DTWD2: variants seen among roughly 807,000 people sequenced by gnomAD.
DTWD2 encodes DTW motif tRNA-uridine aminocarboxypropyltransferase 2.
A neutral mutation model predicts 31.8 loss-of-function variants in DTWD2; 39 were observed. That is an observed-to-expected ratio of 1.22 (90% CI 0.95 to 1.60). The LOEUF (loss-of-function observed/expected upper bound fraction) is 1.60, where lower values mean the gene tolerates loss of function less well. DTWD2 is among the 40% of genes most tolerant of loss of function. The pLI, the probability that DTWD2 is intolerant of heterozygous loss-of-function variation, is 0.00. For missense variants in DTWD2, 515 were observed against 381.5 expected, an observed-to-expected ratio of 1.35 and a Z score of -2.92; for synonymous variants, 180 against 142.8, an observed-to-expected ratio of 1.26 and a Z score of -1.86.
Position 118,840,360 on chromosome 5 carries a change from G to A in DTWD2, c.*557C>T, listed in dbSNP as rs1386396340. 6.6e-6 allele frequency: 1 copy of A among 152,174 alleles called. No individual in the cohort carries two copies. The highest frequency in any genetic ancestry group is 6.5e-5 in the Admixed American group (1 of 15,282). 9.4% of individuals were successfully genotyped at this position (152,174 alleles called of 1,614,324 possible). On this transcript the variant is annotated 3_prime_UTR_variant, in exon 6 of 6. Transcript: ENST00000510708. Reference sequence around the variant, plus strand: ...TTTAAAAATCAGGGCAATTAATAGAGCGCTTAAATCATATTAGCTGAGTTC... The same window carrying A: ...TTTAAAAATCAGGGCAATTAATAGAACGCTTAAATCATATTAGCTGAGTTC...
chr5:118,973,081 T>G (rs868493161), intron 1 of DTWD2, among the ~76,000 whole-genome samples: 1 of 132,876 alleles, frequency 7.5e-6, no homozygotes, highest in Non-Finnish European at 1.5e-5. Context: ...GCAACCCCCT[T>G]TTTTTTTTTT....
chr5:118,960,575 G>C (rs1754683283), intron 1 of DTWD2, among the ~76,000 whole-genome samples: 1 of 152,106 alleles, frequency 6.6e-6, no homozygotes, highest in Admixed American at 6.6e-5. Context: ...TCCCATTATT[G>C]GGTATATACC....
intron 1 of DTWD2, among the ~76,000 whole-genome samples, chr5:118,983,477 T>TG (rs1755353464): frequency 6.6e-6 from 1 of 152,100 alleles, no homozygotes; most frequent in Admixed American, 6.5e-5. Context: ...CTTAAACACC[T>TG]GCACTCTTCC....
At chr5:118,884,836 C>A (rs148799162) in intron 4 of DTWD2, among the ~76,000 whole-genome samples, 237 of 151,544 alleles carry the variant, frequency 1.6e-3, no homozygotes, top group African/African-American at 5.4e-3. Context: ...GAAACCCGGC[C>A]TCTACTTAAA....
At chr5:118,947,444 C>A in intron 1 of DTWD2, among the ~76,000 whole-genome samples, 1 of 152,130 alleles carries the variant, frequency 6.6e-6, no homozygotes, top group East Asian at 1.9e-4. Context: ...CCGACTGTCC[C>A]GAGCTGGACT....
At chr5:118,946,389 A>G (rs1423416391) in intron 1 of DTWD2, among the ~76,000 whole-genome samples, 1 of 152,202 alleles carries the variant, frequency 6.6e-6, no homozygotes, top group African/African-American at 2.4e-5. Flanking sequence ...ACAGGGTGCA[A>G]TGACAAACAG....
intron 1 of DTWD2, among the ~76,000 whole-genome samples, chr5:118,948,870 C>T (rs191415419): frequency 3.3e-5 from 5 of 151,874 alleles, no homozygotes; most frequent in African/African-American, 9.7e-5. Context: ...GTTTATATAA[C>T]GGTTTAGTCA....
chr5:118,886,658 T>TCTCC (rs1752875029), intron 4 of DTWD2, among the ~76,000 whole-genome samples: 1 of 152,220 alleles, frequency 6.6e-6, no homozygotes. Context: ...GAGAATGCTG[T>TCTCC]ATACTACATT....
intron 3 of DTWD2, among the ~76,000 whole-genome samples, chr5:118,935,857 T>A (rs558901121): frequency 6.6e-6 from 1 of 152,260 alleles, no homozygotes; most frequent in African/African-American, 2.4e-5. Flanking sequence ...TCAGTCAAAA[T>A]ACAGAAGATT....
In DTWD2 at chr5:118,836,834, T is replaced by C. The variant is rs1751582856; in HGVS notation, c.*4083A>G. 6.6e-6 allele frequency among the ~76,000 whole-genome samples: 1 copy of C among 152,182 alleles called. No individual in the cohort carries two copies. The highest frequency in any genetic ancestry group is 1.5e-5 in the Non-Finnish European group (1 of 68,026). On this transcript the variant is annotated 3_prime_UTR_variant, in exon 6 of 6. Coordinates refer to ENST00000510708, the MANE Select transcript of DTWD2 (RefSeq NM_173666.4). ...CACCAAATCTGCTGGCACCTTGATA[T>C]TGTATTTCCCAGCCTCCAGACTTAG...
chr5:118,938,468 A>T (rs1182677443), intron 3 of DTWD2, among the ~76,000 whole-genome samples: 4 of 152,186 alleles, frequency 2.6e-5, no homozygotes, highest in Non-Finnish European at 5.9e-5. Flanking sequence ...TTCATCATGT[A>T]CTCTAACAAA....
chr5:118,854,505 A>C (rs1283127919), intron 4 of DTWD2, among the ~76,000 whole-genome samples: 1 of 151,600 alleles, frequency 6.6e-6, no homozygotes, highest in Non-Finnish European at 1.5e-5. Flanking sequence ...TTTTTAGAGC[A>C]CTCATTTAGA....
intron 4 of DTWD2, among the ~76,000 whole-genome samples, chr5:118,911,904 G>A (rs1183110178): frequency 6.6e-6 from 1 of 152,200 alleles, no homozygotes; most frequent in Non-Finnish European, 1.5e-5. Context: ...ATGTGTGGGT[G>A]TGCATTTGGT....
rs1322818129 is a variant in DTWD2, at chr5:118,838,867, G to A, written c.*2050C>T. On this transcript the variant is annotated 3_prime_UTR_variant, in exon 6 of 6. Transcript: ENST00000510708. ...ACAAAATGGTATACTGGGGGTAGGG[G>A]GAGTTTTCTTTTTAAAAAATAATAA... is the stretch of plus-strand genomic sequence containing the variant. The A allele has an allele frequency of 2.0e-5, 3 of 151,996 alleles. No homozygotes were observed. The highest frequency in any genetic ancestry group is 7.3e-5 in the African/African-American group (3 of 41,370). 9.4% of individuals were successfully genotyped at this position (151,996 alleles called of 1,614,324 possible).
At chr5:118,960,253 T>C (rs984183484) in intron 1 of DTWD2, among the ~76,000 whole-genome samples, 5 of 151,842 alleles carry the variant, frequency 3.3e-5, no homozygotes, top group African/African-American at 9.7e-5. Context: ...AAAAAACCCA[T>C]TAAAATGTGA....
chr5:118,843,753 G>T (rs1459384728), intron 5 of DTWD2, among the ~76,000 whole-genome samples: 1 of 152,224 alleles, frequency 6.6e-6, no homozygotes, highest in East Asian at 1.9e-4. Flanking sequence ...TGAAGAGAAT[G>T]AATTTTGGAA....
At chr5:118,902,317 A>T (rs983667867) in intron 4 of DTWD2, among the ~76,000 whole-genome samples, 7 of 152,152 alleles carry the variant, frequency 4.6e-5, no homozygotes, top group Admixed American at 3.3e-4. Context: ...TAGAATGAGT[A>T]AAATATAAGT....
chr5:118,868,540 T>C (rs1042545380), intron 4 of DTWD2, among the ~76,000 whole-genome samples: 2 of 151,986 alleles, frequency 1.3e-5, no homozygotes, highest in African/African-American at 4.8e-5. Context: ...CCAGAACATA[T>C]TAAAAATTCC....
chr5:118,875,998 A>G (rs757478683), intron 4 of DTWD2, among the ~76,000 whole-genome samples: 2 of 152,222 alleles, frequency 1.3e-5, no homozygotes, highest in Non-Finnish European at 2.9e-5. Context: ...AATTACAACA[A>G]GTAGTCTCTT....
Sources: gnomAD v4.1 joint callset for allele counts (sites outside exome capture counted in the v4.1 genomes callset) on GRCh38, gnomAD v4.1.1 for gene constraint, MANE v1.5 for transcripts, NCBI Gene and HGNC (gene_info 2026-07-23, HGNC 2026-07-21) for gene names.